Variants in DENND2A observed in about 807,000 individuals in gnomAD.
DENND2A encodes the protein DENN domain-containing protein 2A.
In DENND2A, 53 loss-of-function variants were observed where a neutral mutation model predicts 105.3. The observed-to-expected ratio is 0.50, with a 90% CI of 0.40 to 0.63. The LOEUF (loss-of-function observed/expected upper bound fraction) is 0.63, where lower values mean the gene tolerates loss of function less well. Ranked by LOEUF, DENND2A falls within the 30% of genes least tolerant of loss-of-function variation. The pLI is 0.00. For missense variants in DENND2A, 1,138 were observed against 1,279.6 expected (o/e 0.89, Z 1.69); for synonymous variants, 522 against 508.4 (o/e 1.03, Z -0.36).
At chr7:140,552,326 C>T (rs1585611082) in intron 12 of DENND2A, among the ~76,000 whole-genome samples, 2 of 151,372 alleles carry the variant, frequency 1.3e-5, no homozygotes, top group South Asian at 4.2e-4. Flanking sequence ...TTTCATTTTC[C>T]CTTCCTTCCT....
At chr7:140,544,499 C>T in intron 14 of DENND2A, 119 bp downstream of exon 14, 1 of 1,366,794 alleles carries the variant, frequency 7.3e-7, no homozygotes, top group East Asian at 2.3e-5. Context: ...CCAGCCTATT[C>T]CATCCTTATC....
Position 140,558,202 on chromosome 7 carries a change from A to C in DENND2A, c.1900T>G (p.Ser634Ala). 1.2e-6 allele frequency: 2 copies of C among 1,612,980 alleles called. No homozygotes were observed. Among genetic ancestry groups the C allele is most frequent in the Non-Finnish European group, 1.7e-6 (2 of 1,179,024 alleles). The change falls in exon 11 of 20, where the codon TCA becomes GCA. Residue 634 changes from serine to alanine, a missense_variant. This residue lies in a region of DENND2A where 627 missense variants were observed against 779.8 expected (regional missense o/e 0.80). Transcript: ENST00000496613. ...CCATCTTCTCCAGTTAAGACAAATG[A>C]GAATGTTTCACTGTGGTTGGGAAAA... ...PVQQFTSETF[S>A]FVLTGEDGSR... is the part of the protein sequence containing the mutation.
At chr7:140,566,899 T>G (rs1483577401) in intron 9 of DENND2A, among the ~76,000 whole-genome samples, 187 bp downstream of exon 9, 1 of 152,010 alleles carries the variant, frequency 6.6e-6, no homozygotes, top group Non-Finnish European at 1.5e-5. Context: ...ATCTCTCCTT[T>G]CTGGGACCTC....
At chr7:140,637,854 C>T (rs1416280767) in intron 1 of DENND2A, among the ~76,000 whole-genome samples, 4 of 152,112 alleles carry the variant, frequency 2.6e-5, no homozygotes, top group African/African-American at 7.2e-5. Flanking sequence ...TTGAGCACCC[C>T]GGACGCCTTG....
chr7:140,631,591 C>G (rs1800734623), intron 1 of DENND2A, among the ~76,000 whole-genome samples: 1 of 152,220 alleles, frequency 6.6e-6, no homozygotes, highest in South Asian at 2.1e-4. Flanking sequence ...CATCAGTCAG[C>G]TGGAGGGTAA....
rs1798016363 is a variant in DENND2A at position 140,569,803 on chromosome 7, C to T, written c.1447-65G>A. 1.2e-5 allele frequency: 13 copies of T among 1,086,734 alleles called. No homozygotes were observed. In the South Asian group the frequency reaches 1.6e-4, roughly 14 times the overall value. The allele number at this position is 1,086,734 out of a possible 1,614,324, so 67.3% of individuals were successfully genotyped here. On this transcript the variant is annotated intron_variant, in intron 6 of 19. Coordinates refer to ENST00000496613, the MANE Select transcript of DENND2A (RefSeq NM_015689.5). ...CCACTCTCTGTGGCAGCTGGGCTTC[C>T]CTCACTGCCCCTCTCCTAGGACGAT...
rs561181730 is a variant in DENND2A at position 140,549,321 on chromosome 7, C to T, written c.2038-2382G>A. Among the ~76,000 whole-genome samples, 160 of 151,944 alleles carry T rather than the reference C, an allele frequency of 1.1e-3. 2 individuals carry two copies. The highest frequency in any genetic ancestry group is 3.4e-3 in the African/African-American group (143 of 41,450). On this transcript the variant is annotated intron_variant, in intron 12 of 19. Transcript: ENST00000496613. ...TGTCGCCCAGGCTGGAGTGCAATGG[C>T]GCAATCTTGGCTCACTGCAACCTCT...
At chr7:140,589,595 A>C (rs1798924424) in intron 3 of DENND2A, among the ~76,000 whole-genome samples, 1 of 152,172 alleles carries the variant, frequency 6.6e-6, no homozygotes, top group Admixed American at 6.6e-5. Flanking sequence ...AGAGAGAGAA[A>C]GGGGCTGTAG....
chr7:140,553,057 A>G (rs1201340462), intron 12 of DENND2A, among the ~76,000 whole-genome samples: 1 of 152,106 alleles, frequency 6.6e-6, no homozygotes, highest in Non-Finnish European at 1.5e-5. Flanking sequence ...GAAAAGAAAA[A>G]GACACAGAGA....
intron 3 of DENND2A, among the ~76,000 whole-genome samples, chr7:140,591,566 T>A (rs1214262091): frequency 6.6e-6 from 1 of 152,138 alleles, no homozygotes; most frequent in African/African-American, 2.4e-5. Context: ...TAACATTTGA[T>A]CTATCATTGT....
At chr7:140,519,571 G>A in intron 19 of DENND2A, 61 bp downstream of exon 19, 2 of 1,491,172 alleles carry the variant, frequency 1.3e-6, no homozygotes, top group East Asian at 2.3e-5. Flanking sequence ...GAACCGGCTG[G>A]GACTCCGAGA....
intron 3 of DENND2A, among the ~76,000 whole-genome samples, chr7:140,588,216 GT>G (rs1396156954): frequency 6.6e-6 from 1 of 151,990 alleles, no homozygotes; most frequent in Non-Finnish European, 1.5e-5. Context: ...ATCAACTTCT[GT>G]TATTGTAAAA....
chr7:140,629,192 T>A (rs1800644501), intron 1 of DENND2A, among the ~76,000 whole-genome samples: 1 of 152,134 alleles, frequency 6.6e-6, no homozygotes, highest in Admixed American at 6.6e-5. Context: ...TATTCAAAAT[T>A]AACCGCAGAG....
At chr7:140,554,937 G>A (rs766440591) in intron 12 of DENND2A, among the ~76,000 whole-genome samples, 21 of 152,074 alleles carry the variant, frequency 1.4e-4, no homozygotes, top group Non-Finnish European at 2.2e-4. Flanking sequence ...ACATATGTAC[G>A]TGGGTACACA....
chr7:140,588,769 T>C (rs1349508800), intron 3 of DENND2A, among the ~76,000 whole-genome samples: 2 of 142,206 alleles, frequency 1.4e-5, no homozygotes, highest in Admixed American at 6.9e-5. Context: ...TTTGGCACTT[T>C]TTTTTTTTTT....
At chr7:140,569,891 ATTTTT>A (rs35641355) in intron 6 of DENND2A, among the ~76,000 whole-genome samples, 153 bp from the exon 7 acceptor site, 1 of 147,754 alleles carries the variant, frequency 6.8e-6, no homozygotes, top group Admixed American at 6.7e-5. Flanking sequence ...TCTTTCAATC[ATTTTT>A]TTTTTTTATT....
intron 6 of DENND2A, among the ~76,000 whole-genome samples, chr7:140,571,988 CTCTCTCTCTCTCTCTG>C (rs1798110902): frequency 6.6e-6 from 1 of 151,558 alleles, no homozygotes. Flanking sequence ...CCATCTCTCT[CTCTCTCTCTCTCTCTG>C]TCTCTCTTTT....
chr7:140,542,720 G>A (rs1315531310), intron 14 of DENND2A, among the ~76,000 whole-genome samples: 4 of 151,836 alleles, frequency 2.6e-5, no homozygotes, highest in South Asian at 2.1e-4. Context: ...GGACCACCAC[G>A]CCCAACTAAA....
At chr7:140,626,417 G>C (rs1800534260) in intron 1 of DENND2A, among the ~76,000 whole-genome samples, 1 of 152,118 alleles carries the variant, frequency 6.6e-6, no homozygotes, top group African/African-American at 2.4e-5. Context: ...AGAATGGGAG[G>C]AAGGACCACC....
Sources: gnomAD v4.1 joint callset for allele counts (sites outside exome capture counted in the v4.1 genomes callset) on GRCh38, gnomAD v4.1.1 for gene constraint, gnomAD v4.1.1 regional missense constraint, MANE v1.5 for transcripts, NCBI Gene and HGNC (gene_info 2026-07-23, HGNC 2026-07-21) for gene names.